The following RIMS4 variants were observed in gnomAD, a reference collection of about 807,000 sequenced individuals.
RIMS4 encodes regulating synaptic membrane exocytosis 4, also known as regulating synaptic membrane exocytosis protein 4.
Under a neutral mutation model 29.0 loss-of-function variants are expected in RIMS4, and 9 were observed. The ratio of observed to expected loss-of-function variants is 0.31; its 90% CI spans 0.19 to 0.54. The LOEUF (loss-of-function observed/expected upper bound fraction) is 0.54, where lower values mean the gene tolerates loss of function less well. Ranked by LOEUF, RIMS4 falls within the 20% of genes least tolerant of loss-of-function variation. RIMS4 has a pLI of 0.94. For missense variants in RIMS4, 193 were observed against 365.7 expected (o/e 0.53, Z 3.85); for synonymous variants, 130 against 152.9 (o/e 0.85, Z 1.10).
intron 1 of RIMS4, among the ~76,000 whole-genome samples, chr20:44,791,603 C>T (rs1480852498): frequency 6.6e-6 from 1 of 152,174 alleles, no homozygotes; most frequent in East Asian, 1.9e-4. Context: ...ATTAAAACCA[C>T]AAATGGCGAC....
At chr20:44,768,583 C>T (rs189846393) in intron 2 of RIMS4, among the ~76,000 whole-genome samples, 186 of 152,334 alleles carry the variant, frequency 1.2e-3, no homozygotes, top group Admixed American at 2.8e-3. Flanking sequence ...GTCCCTACCT[C>T]GCCCAGGTGT....
chr20:44,792,211 A>C (rs935309400), intron 1 of RIMS4, among the ~76,000 whole-genome samples: 1 of 152,182 alleles, frequency 6.6e-6, no homozygotes, highest in Non-Finnish European at 1.5e-5. Context: ...AATGCTGTAA[A>C]ATATGATCCA....
At chr20:44,764,255 C>CATCCATCCATCCATCCATCCATCCAT (rs1325046131) in intron 2 of RIMS4, among the ~76,000 whole-genome samples, 7 of 144,406 alleles carry the variant, frequency 4.8e-5, no homozygotes, top group Middle Eastern at 3.6e-3. Context: ...TCCATCCATC[C>CATCCATCCATCCATCCATCCATCCAT]TCCCACAAAC....
At chr20:44,804,894 CT>C (rs1224208404) in intron 1 of RIMS4, among the ~76,000 whole-genome samples, 1 of 152,204 alleles carries the variant, frequency 6.6e-6, no homozygotes, top group African/African-American at 2.4e-5. Context: ...GGAAAGAGCA[CT>C]GATTGCACCA....
chr20:44,786,681 A>C (rs2066210177), intron 1 of RIMS4, among the ~76,000 whole-genome samples: 1 of 152,164 alleles, frequency 6.6e-6, no homozygotes, highest in South Asian at 2.1e-4. Context: ...GTGCCTGTAC[A>C]CTCCTCAAGA....
chr20:44,786,416 C>A (rs1217468993), intron 1 of RIMS4, among the ~76,000 whole-genome samples: 1 of 152,194 alleles, frequency 6.6e-6, no homozygotes, highest in Non-Finnish European at 1.5e-5. Context: ...CCTTGGTACA[C>A]CCACAGACCT....
At chr20:44,806,335 G>A (rs1246029181) in intron 1 of RIMS4, among the ~76,000 whole-genome samples, 3 of 152,206 alleles carry the variant, frequency 2.0e-5, no homozygotes, top group Non-Finnish European at 4.4e-5. Flanking sequence ...TCCCCAGCTA[G>A]GCCCCAAGGC....
At chr20:44,771,502 A>C in intron 1 of RIMS4, 89 bp from the exon 2 acceptor site, 1 of 1,444,728 alleles carries the variant, frequency 6.9e-7, no homozygotes, top group South Asian at 1.3e-5. Flanking sequence ...GCAGTGTTTC[A>C]GCAGCTGGGG....
intron 1 of RIMS4, among the ~76,000 whole-genome samples, chr20:44,806,045 G>C (rs1394668775): frequency 6.6e-6 from 1 of 152,226 alleles, no homozygotes; most frequent in Non-Finnish European, 1.5e-5. Flanking sequence ...GTGGTGCCAG[G>C]AAGGGCTTTC....
At chr20:44,801,530 A>G (rs944906654) in intron 1 of RIMS4, among the ~76,000 whole-genome samples, 4 of 152,100 alleles carry the variant, frequency 2.6e-5, no homozygotes, top group Non-Finnish European at 5.9e-5. Flanking sequence ...CCTGGTTTTA[A>G]CACATAGCCC....
At chr20:44,771,239 T>C in intron 2 of RIMS4, 36 bp downstream of exon 2, 1 of 1,587,604 alleles carries the variant, frequency 6.3e-7, no homozygotes, top group Non-Finnish European at 8.6e-7. Flanking sequence ...CACAAAAGAC[T>C]GCAAGAACCA....
intron 1 of RIMS4, among the ~76,000 whole-genome samples, chr20:44,792,327 T>C (rs1428871211): frequency 3.3e-5 from 5 of 151,946 alleles, no homozygotes; most frequent in Non-Finnish European, 5.9e-5. Flanking sequence ...AGTTTCGCTC[T>C]TGTTGCCCAG....
chr20:44,802,081 G>A (rs751074257), intron 1 of RIMS4, among the ~76,000 whole-genome samples: 1 of 152,130 alleles, frequency 6.6e-6, no homozygotes, highest in Non-Finnish European at 1.5e-5. Flanking sequence ...GCATTAAGAA[G>A]CCCTCCAGAG....
chr20:44,767,807 A>G (rs182325494), intron 2 of RIMS4, among the ~76,000 whole-genome samples: 1 of 152,346 alleles, frequency 6.6e-6, no homozygotes, highest in African/African-American at 2.4e-5. Flanking sequence ...CAGTGTCTGC[A>G]CATAGTAAGT....
intron 1 of RIMS4, among the ~76,000 whole-genome samples, chr20:44,790,799 T>C (rs1294283588): frequency 6.6e-6 from 1 of 152,244 alleles, no homozygotes; most frequent in Admixed American, 6.5e-5. Flanking sequence ...AGAAGAGGCC[T>C]GGGCTATTTA....
intron 1 of RIMS4, 138 bp from the exon 2 acceptor site, chr20:44,771,551 T>C (rs1347022827): frequency 2.5e-6 from 2 of 807,042 alleles, no homozygotes; most frequent in Non-Finnish European, 3.9e-6. Context: ...CCCATCAACC[T>C]CCTCAGACTC....
intron 2 of RIMS4, among the ~76,000 whole-genome samples, chr20:44,758,574 C>T (rs1024414283): frequency 1.3e-5 from 2 of 152,202 alleles, no homozygotes; most frequent in Non-Finnish European, 2.9e-5. Flanking sequence ...TCCACTTCCC[C>T]TTCCTCTGGT....
chr20:44,797,741 C>T (rs1204725483), intron 1 of RIMS4, among the ~76,000 whole-genome samples: 1 of 152,204 alleles, frequency 6.6e-6, no homozygotes, highest in Non-Finnish European at 1.5e-5. Flanking sequence ...GTTCCCTGCA[C>T]ACACATTGTC....
intron 1 of RIMS4, among the ~76,000 whole-genome samples, chr20:44,790,135 T>C (rs2066226684): frequency 6.6e-6 from 1 of 152,222 alleles, no homozygotes; most frequent in Non-Finnish European, 1.5e-5. Flanking sequence ...ACGCCTGATT[T>C]TTAATTGAGT....
Sources: gnomAD v4.1 joint callset for allele counts (sites outside exome capture counted in the v4.1 genomes callset) on GRCh38, gnomAD v4.1.1 for gene constraint, MANE v1.5 for transcripts, NCBI Gene and HGNC (gene_info 2026-07-23, HGNC 2026-07-21) for gene names.